The following PPP2R2A variants were observed in gnomAD, a reference collection of about 807,000 sequenced individuals.
PPP2R2A encodes protein phosphatase 2 regulatory subunit Balpha, also known as serine/threonine-protein phosphatase 2A 55 kDa regulatory subunit B alpha isoform.
Under a neutral mutation model 53.2 loss-of-function variants are expected in PPP2R2A, and 9 were observed. The observed-to-expected ratio is 0.17, with a 90% confidence interval of 0.10 to 0.30. The LOEUF (loss-of-function observed/expected upper bound fraction) is 0.30. PPP2R2A is among the 10% of genes least tolerant of loss of function. The pLI is 1.00. For missense variants in PPP2R2A, 235 were observed against 534.6 expected (o/e 0.44, Z 5.53); for synonymous variants, 169 against 174.2 (o/e 0.97, Z 0.23).
At position 26,317,369 on chromosome 8, in the gene PPP2R2A, T is replaced by C. The variant is rs151271743; in HGVS notation, c.83-21521T>C. Among the ~76,000 whole-genome samples, 52 of 152,352 alleles carry C rather than the reference T, an allele frequency of 3.4e-4. No individual in the cohort carries two copies. In the East Asian group the frequency reaches 9.6e-3, roughly 28 times the overall value. ...ATGTTACTTATTGTTTGCTTGCTTA[T>C]TGTATGTAGGCTTCTTTCTCTCCAG... is the stretch of plus-strand genomic sequence containing the variant. On this transcript the variant is annotated intron_variant, in intron 2 of 9. Transcript: ENST00000380737.
At chr8:26,293,764 T>A (rs1421727579) in intron 2 of PPP2R2A, 24 bp downstream of exon 2, 1 of 1,606,064 alleles carries the variant, frequency 6.2e-7, no homozygotes, top group South Asian at 1.1e-5. Flanking sequence ...TAATGCAAAA[T>A]TTGGATATAT....
chr8:26,349,822 A>G (rs1804402716), intron 3 of PPP2R2A, among the ~76,000 whole-genome samples: 2 of 152,216 alleles, frequency 1.3e-5, no homozygotes, highest in Admixed American at 6.5e-5. Flanking sequence ...CATTATGAGT[A>G]ATGTTGCTGT....
rs1452194395 is a variant in PPP2R2A at position 26,354,385 on chromosome 8, AG to A, written c.181-80del. On this transcript the variant is annotated intron_variant, in intron 3 of 9. Transcript: ENST00000380737. This position sits in a 1 kb window ranked among gnomAD's most constrained non-coding sequence, Gnocchi z 4.6. ...AACTAATGGGGTATTGAGAATGTGC[AG>A]GGTCCTTTGGAATTGATTACATATT... The A allele has an allele frequency of 1.7e-6, 2 of 1,158,752 alleles. No homozygotes were observed. The highest frequency in any genetic ancestry group is 2.4e-6 in the Non-Finnish European group (2 of 844,762). The allele number at this position is 1,158,752 out of a possible 1,614,324, so 71.8% of individuals were successfully genotyped here. A position where few individuals can be genotyped will look rare whatever the true frequency, so the allele number is the denominator to read the frequency against.
At chr8:26,366,439 T>G in intron 9 of PPP2R2A, 33 bp downstream of exon 9, 5 of 1,471,556 alleles carry the variant, frequency 3.4e-6, no homozygotes, top group Non-Finnish European at 4.6e-6. Flanking sequence ...ATATGAATTT[T>G]ATTAAAGAAA....
intron 9 of PPP2R2A, among the ~76,000 whole-genome samples, chr8:26,368,990 C>T (rs965119103): frequency 3.3e-5 from 5 of 151,572 alleles, no homozygotes; most frequent in African/African-American, 1.2e-4. Flanking sequence ...CGCCTGTAGT[C>T]CCAGCTACTC....
rs1221621602 is a variant in PPP2R2A, at chr8:26,370,294, A to T, written c.1225A>T (p.Ser409Cys). ...TGGCAAGCGAAAGAAAGATGAAATA[A>T]GTGTTGACAGCCTAGACTTCAATAA... ...ASGKRKKDEI[S>C]VDSLDFNKKI... Residue 409 changes from serine to cysteine, a missense_variant, in exon 10 of 10, where the codon AGT becomes TGT. By Grantham distance (112) the Ser-to-Cys change is moderately radical. Around this residue, in one of 3 missense-constraint regions of PPP2R2A, gnomAD observed 181 missense variants for 409.9 expected, o/e 0.44. Coordinates refer to ENST00000380737, the MANE Select transcript of PPP2R2A (RefSeq NM_002717.4). The surrounding 1 kb of genome is among the most constrained non-coding windows in gnomAD (Gnocchi z 6.1). 1 of 1,614,230 alleles carries T rather than the reference A, an allele frequency of 6.2e-7. No individual in the cohort carries two copies. The highest frequency in any genetic ancestry group is 1.1e-5 in the South Asian group (1 of 91,088).
At chr8:26,344,139 C>T (rs1804092207) in intron 3 of PPP2R2A, among the ~76,000 whole-genome samples, 2 of 152,200 alleles carry the variant, frequency 1.3e-5, no homozygotes, top group Non-Finnish European at 1.5e-5. Context: ...CCACTCTAAC[C>T]TGGATGTAGT....
intron 2 of PPP2R2A, among the ~76,000 whole-genome samples, chr8:26,330,382 T>C (rs549453448): frequency 6.6e-6 from 1 of 150,994 alleles, no homozygotes; most frequent in Admixed American, 6.6e-5. Context: ...CCATCTTGGC[T>C]CACTGCAACT....
chr8:26,312,387 A>G (rs1454354341), intron 2 of PPP2R2A, among the ~76,000 whole-genome samples: 23 of 152,208 alleles, frequency 1.5e-4, no homozygotes. Context: ...ATTTCTGATC[A>G]GCTCCCAGTG....
chr8:26,305,166 T>C (rs1228188097), intron 2 of PPP2R2A, among the ~76,000 whole-genome samples: 2 of 152,232 alleles, frequency 1.3e-5, no homozygotes, highest in African/African-American at 4.8e-5. Flanking sequence ...AGTGGAATCA[T>C]ACAGTCTTTT....
intron 3 of PPP2R2A, among the ~76,000 whole-genome samples, chr8:26,352,884 T>C (rs1041706238): frequency 6.6e-6 from 1 of 152,226 alleles, no homozygotes; most frequent in Non-Finnish European, 1.5e-5. Context: ...CTACTTTGAC[T>C]AAAGTTTGAC....
chr8:26,305,479 A>G (rs530317082), intron 2 of PPP2R2A, among the ~76,000 whole-genome samples: 3 of 152,194 alleles, frequency 2.0e-5, no homozygotes, highest in African/African-American at 7.2e-5. Context: ...GTGTAGTTTT[A>G]TTTTTAAAAC....
intron 2 of PPP2R2A, among the ~76,000 whole-genome samples, chr8:26,334,591 A>G (rs924558647): frequency 6.6e-6 from 1 of 152,074 alleles, no homozygotes; most frequent in Non-Finnish European, 1.5e-5. Context: ...TAAAAATACA[A>G]AAAATTAGCC....
At chr8:26,344,033 A>G (rs1804086793) in intron 3 of PPP2R2A, among the ~76,000 whole-genome samples, 1 of 152,148 alleles carries the variant, frequency 6.6e-6, no homozygotes, top group African/African-American at 2.4e-5. Context: ...CTGGGGGCCC[A>G]GGTACCAGAT....
At chr8:26,345,271 T>A (rs896463503) in intron 3 of PPP2R2A, among the ~76,000 whole-genome samples, 2 of 152,208 alleles carry the variant, frequency 1.3e-5, no homozygotes, top group African/African-American at 4.8e-5. Context: ...ACTTGGAATT[T>A]ATTTACCTTT....
chr8:26,303,172 C>A (rs1332580464), intron 2 of PPP2R2A, among the ~76,000 whole-genome samples: 2 of 152,136 alleles, frequency 1.3e-5, no homozygotes, highest in African/African-American at 4.8e-5. Flanking sequence ...CAAATTAGAT[C>A]TGCCTTAAGC....
At chr8:26,335,771 G>A (rs1346686570) in intron 2 of PPP2R2A, among the ~76,000 whole-genome samples, 2 of 151,958 alleles carry the variant, frequency 1.3e-5, no homozygotes, top group Admixed American at 1.3e-4. Flanking sequence ...TTGCTGTTTG[G>A]GCCAGTTGTT....
intron 2 of PPP2R2A, among the ~76,000 whole-genome samples, chr8:26,309,110 C>G (rs1802158347): frequency 1.3e-5 from 2 of 152,192 alleles, no homozygotes; most frequent in African/African-American, 4.8e-5. Flanking sequence ...ATCCACTCAC[C>G]TTGGCCTCCC....
chr8:26,297,716 G>C (rs1004446233), intron 2 of PPP2R2A, among the ~76,000 whole-genome samples: 1 of 152,022 alleles, frequency 6.6e-6, no homozygotes, highest in Non-Finnish European at 1.5e-5. Flanking sequence ...GATTAAATGA[G>C]TTTATACACA....
Sources: gnomAD v4.1 joint callset for allele counts (sites outside exome capture counted in the v4.1 genomes callset) on GRCh38, gnomAD v4.1.1 for gene constraint, gnomAD v4.1.1 regional missense constraint, Gnocchi (gnomAD v3.1) non-coding constraint, MANE v1.5 for transcripts, NCBI Gene and HGNC (gene_info 2026-07-23, HGNC 2026-07-21) for gene names.